The following TAS2R1 variants were observed in gnomAD, a reference collection of about 807,000 sequenced individuals.
TAS2R1 encodes taste 2 receptor member 1.
For missense variants in TAS2R1, 370 were observed against 353.4 expected (o/e 1.05, Z -0.38); for synonymous variants, 141 against 134.2 (o/e 1.05, Z -0.35).
At chr5:9,877,117 G>A in the TAS2R1 span, among the ~76,000 whole-genome samples, 1 of 152,130 alleles carries the variant, frequency 6.6e-6, no homozygotes, top group Non-Finnish European at 1.5e-5. Flanking sequence ...TGATTACTCA[G>A]GTGTTAAACT....
chr5:9,656,125 A>G (rs912808608), intron 2 of TAS2R1, among the ~76,000 whole-genome samples: 4 of 152,160 alleles, frequency 2.6e-5, no homozygotes, highest in Non-Finnish European at 5.9e-5. Context: ...GCAATGCTAC[A>G]GTCCAAGTGC....
At chr5:9,771,727 G>A in the TAS2R1 span, among the ~76,000 whole-genome samples, 3 of 151,984 alleles carry the variant, frequency 2.0e-5, no homozygotes, top group Non-Finnish European at 2.9e-5. Context: ...ATTTCTTCAT[G>A]GTACAATCTT....
chr5:9,670,290 C>T (rs1180432151), intron 1 of TAS2R1, among the ~76,000 whole-genome samples: 1 of 152,030 alleles, frequency 6.6e-6, no homozygotes, highest in African/African-American at 2.4e-5. Context: ...TTAAGTTTGG[C>T]CTAAAGGGTT....
the TAS2R1 span, among the ~76,000 whole-genome samples, chr5:9,740,634 AAC>A: frequency 6.6e-6 from 1 of 152,184 alleles, no homozygotes; most frequent in African/African-American, 2.4e-5. Flanking sequence ...GAGCAACTGA[AAC>A]ACACAAGCGT....
At chr5:9,844,780 TC>T in the TAS2R1 span, among the ~76,000 whole-genome samples, 1 of 152,134 alleles carries the variant, frequency 6.6e-6, no homozygotes, top group African/African-American at 2.4e-5. Context: ...AGTAAGCTAA[TC>T]AAAGAGCTTT....
At chr5:9,790,715 G>A in the TAS2R1 span, among the ~76,000 whole-genome samples, 7 of 151,822 alleles carry the variant, frequency 4.6e-5, no homozygotes, top group East Asian at 1.9e-4. Context: ...TGCAACCTCC[G>A]CCTCCCAGGT....
chr5:9,709,126 G>A (rs1447803192), intron 1 of TAS2R1, among the ~76,000 whole-genome samples: 5 of 150,410 alleles, frequency 3.3e-5, no homozygotes, highest in African/African-American at 1.2e-4. Context: ...AACCACCATG[G>A]CACATGTATA....
the TAS2R1 span, among the ~76,000 whole-genome samples, chr5:9,749,350 G>A: frequency 6.6e-6 from 1 of 152,190 alleles, no homozygotes; most frequent in East Asian, 1.9e-4. Flanking sequence ...AAGAACAGAG[G>A]TTAAGTGGAT....
intron 1 of TAS2R1, among the ~76,000 whole-genome samples, chr5:9,664,862 T>A: frequency 6.6e-6 from 1 of 152,222 alleles, no homozygotes; most frequent in East Asian, 1.9e-4. Context: ...TCATTTAATC[T>A]TCAGGGAACA....
intron 2 of TAS2R1, among the ~76,000 whole-genome samples, chr5:9,647,716 C>T (rs1030348186): frequency 6.6e-6 from 1 of 152,132 alleles, no homozygotes; most frequent in African/African-American, 2.4e-5. Flanking sequence ...AGACTTTCTA[C>T]AGATAGACGC....
At chr5:9,809,551 A>T in the TAS2R1 span, among the ~76,000 whole-genome samples, 1 of 152,118 alleles carries the variant, frequency 6.6e-6, no homozygotes, top group Non-Finnish European at 1.5e-5. Flanking sequence ...ACCAGAACCC[A>T]ATCATGGTTA....
chr5:9,636,647 T>C (rs1739969556), intron 2 of TAS2R1, among the ~76,000 whole-genome samples: 1 of 152,174 alleles, frequency 6.6e-6, no homozygotes, highest in African/African-American at 2.4e-5. Context: ...ATTTTCCTGT[T>C]AGACTATCCA....
In TAS2R1 at chr5:9,638,314, T is replaced by G. The variant is rs112942614; in HGVS notation, c.-80-8322A>C. 2.0e-3 allele frequency among the ~76,000 whole-genome samples: 310 copies of G among 152,332 alleles called. 2 individuals carry two copies. Among genetic ancestry groups the G allele is most frequent in the African/African-American group, 7.2e-3 (300 of 41,582 alleles). Reference sequence around the variant, plus strand: ...TCTCCCAGACATGGATTCCAGCACCTGCTCTAGTGGAGGTGGCAGGGAAGT... The same window carrying G: ...TCTCCCAGACATGGATTCCAGCACCGGCTCTAGTGGAGGTGGCAGGGAAGT... On this transcript the variant is annotated intron_variant, in intron 2 of 2. Coordinates refer to the TAS2R1 transcript ENST00000506620.
chr5:9,817,260 T>C, the TAS2R1 span, among the ~76,000 whole-genome samples: 1 of 152,242 alleles, frequency 6.6e-6, no homozygotes, highest in African/African-American at 2.4e-5. Flanking sequence ...AGCCGTTGTG[T>C]CATAGAGATG....
the TAS2R1 span, among the ~76,000 whole-genome samples, chr5:9,731,441 C>A: frequency 6.7e-6 from 1 of 149,006 alleles, no homozygotes; most frequent in Non-Finnish European, 1.5e-5. Context: ...GCCCATGAGG[C>A]CCCCTGGAGT....
At chr5:9,800,117 G>A in the TAS2R1 span, among the ~76,000 whole-genome samples, 2 of 152,198 alleles carry the variant, frequency 1.3e-5, no homozygotes, top group African/African-American at 4.8e-5. Flanking sequence ...AGAACAGAGG[G>A]ACAATTGGCA....
the TAS2R1 span, among the ~76,000 whole-genome samples, chr5:9,898,401 G>A: frequency 6.6e-6 from 1 of 152,144 alleles, no homozygotes; most frequent in Non-Finnish European, 1.5e-5. Context: ...TAAGAGAGAG[G>A]GACGAGGTAG....
At chr5:9,756,924 T>A in the TAS2R1 span, among the ~76,000 whole-genome samples, 193 of 152,354 alleles carry the variant, frequency 1.3e-3, 1 homozygote, top group African/African-American at 4.6e-3. Flanking sequence ...CTTTCACATG[T>A]GAGAAAAGTT....
chr5:9,661,135 T>C (rs1289956064), intron 1 of TAS2R1, among the ~76,000 whole-genome samples: 2 of 152,252 alleles, frequency 1.3e-5, no homozygotes, highest in African/African-American at 2.4e-5. Context: ...TCATTTGTTA[T>C]GGCAGCAACA....
Sources: allele counts gnomAD v4.1 joint callset (sites outside exome capture counted in the v4.1 genomes callset), GRCh38; gene constraint gnomAD v4.1.1; transcripts MANE v1.5; gene names NCBI Gene and HGNC (gene_info 2026-07-23, HGNC 2026-07-21).